Variants in SLC12A2 observed in about 807,000 individuals in gnomAD.
SLC12A2 encodes solute carrier family 12 member 2.
Under a neutral mutation model 136.3 loss-of-function variants are expected in SLC12A2, and 67 were observed. That is an observed-to-expected ratio of 0.49 (90% CI 0.40 to 0.60). SLC12A2 has a LOEUF of 0.60. SLC12A2 is among the 20% of genes least tolerant of loss of function. The pLI, the probability that SLC12A2 is intolerant of heterozygous loss-of-function variation, is 0.00. For missense variants in SLC12A2, 1,322 were observed against 1,534.7 expected, an observed-to-expected ratio of 0.86 and a Z score of 2.32; for synonymous variants, 619 against 562.9, an observed-to-expected ratio of 1.10 and a Z score of -1.41.
intron 24 of SLC12A2, 44 bp downstream of exon 24, chr5:128,182,985 C>A (rs1470275993): frequency 1.7e-6 from 2 of 1,160,476 alleles, no homozygotes; most frequent in South Asian, 1.4e-5. Context: ...AGATGGCCTA[C>A]TCAGACACAG....
At chr5:128,127,727 A>G (rs1761870233) in intron 4 of SLC12A2, among the ~76,000 whole-genome samples, 1 of 152,038 alleles carries the variant, frequency 6.6e-6, no homozygotes. Flanking sequence ...CAAGTCATTT[A>G]ATATATTACC....
intron 2 of SLC12A2, 25 bp downstream of exon 2, chr5:128,112,958 A>G (rs764841358): frequency 1.3e-6 from 2 of 1,550,576 alleles, no homozygotes; most frequent in Non-Finnish European, 1.7e-6. Context: ...ACTTAATTTT[A>G]TAGTTACAGC....
Position 128,186,891 on chromosome 5 carries a change from C to T in SLC12A2, c.*260C>T. ...TTGTGAGAGTAGTTTTCCTTTGCTA[C>T]TTGAATAGCAATAAAAGCGTGTTAA... On this transcript the variant is annotated 3_prime_UTR_variant, in exon 27 of 27. Coordinates refer to ENST00000262461, the MANE Select transcript of SLC12A2 (RefSeq NM_001046.3). 1 of 320,678 alleles carries T rather than the reference C, an allele frequency of 3.1e-6. No individual in the cohort carries two copies. The highest frequency in any genetic ancestry group is 5.7e-6 in the Non-Finnish European group (1 of 174,348). The allele number at this position is 320,678 out of a possible 1,614,324, so 19.9% of individuals were successfully genotyped here. A position where few individuals can be genotyped will look rare whatever the true frequency, so the allele number is the denominator to read the frequency against.
At chr5:128,183,092 A>T (rs1298847443) in intron 24 of SLC12A2, 151 bp downstream of exon 24, 1 of 548,558 alleles carries the variant, frequency 1.8e-6, no homozygotes, top group Middle Eastern at 3.7e-4. Context: ...TGGCATGCAT[A>T]TATCAGATAT....
intron 15 of SLC12A2, 148 bp downstream of exon 15, chr5:128,152,953 A>G: frequency 1.7e-6 from 1 of 591,616 alleles, no homozygotes; most frequent in Non-Finnish European, 3.1e-6. Flanking sequence ...ACAAAGAAAA[A>G]TTAATATCTA....
Position 128,141,894 on chromosome 5 carries a change from C to T in SLC12A2, c.1686C>T (p.Asn562=), listed in dbSNP as rs551642666. 4 of 1,614,002 alleles carry T rather than the reference C, an allele frequency of 2.5e-6. No homozygotes were observed. The highest frequency in any genetic ancestry group is 3.4e-6 in the Non-Finnish European group (4 of 1,179,908). ...VNDTIVTELT[N]CTSAACKLNF... Reference sequence around the variant, plus strand: ...ACACTATCGTAACAGAGCTAACAAACTGTACTTCTGCAGCCTGCAAATTAA... The same window carrying T: ...ACACTATCGTAACAGAGCTAACAAATTGTACTTCTGCAGCCTGCAAATTAA... Residue 562 remains asparagine (N), a synonymous_variant, in exon 10 of 27, where the codon AAC becomes AAT. Coordinates refer to ENST00000262461, the MANE Select transcript of SLC12A2 (RefSeq NM_001046.3).
At chr5:128,110,109 G>C (rs1257651940) in intron 1 of SLC12A2, 5 of 939,046 alleles carry the variant, frequency 5.3e-6, no homozygotes, top group Non-Finnish European at 8.9e-6. Context: ...TGAACATGTA[G>C]GTTTTAGAAT....
At chr5:128,138,953 T>A (rs764758980) in intron 9 of SLC12A2, 45 bp downstream of exon 9, 48 of 1,255,734 alleles carry the variant, frequency 3.8e-5, no homozygotes, top group Non-Finnish European at 5.4e-5. Context: ...AATTTCATGA[T>A]GTACGTACTA....
chr5:128,174,265 ATCC>A (rs1763473103), intron 19 of SLC12A2, among the ~76,000 whole-genome samples: 1 of 152,038 alleles, frequency 6.6e-6, no homozygotes. Context: ...AGCATCTCTG[ATCC>A]AGAAATCCCA....
chr5:128,158,103 T>A lies in SLC12A2; in HGVS notation c.2414T>A (p.Leu805His). ...GCTCCAAACTCACGTCCAGCTTTAC[T>A]TCATCTTGTTCATGATTTCACAAAA... ...TGAPNSRPAL[L>H]HLVHDFTKNV... Residue 805 changes from leucine (L) to histidine (H), a missense_variant, in exon 16 of 27, where the codon CTT becomes CAT. Physicochemically the swap from Leu to His is moderately conservative, Grantham distance 99. Coordinates refer to ENST00000262461, the MANE Select transcript of SLC12A2 (RefSeq NM_001046.3). The A allele has an allele frequency of 6.2e-7, 1 of 1,613,752 alleles. No homozygotes were observed. The highest frequency in any genetic ancestry group is 8.5e-7 in the Non-Finnish European group (1 of 1,179,780).
chr5:128,160,408 T>C (rs1763001393), intron 16 of SLC12A2, among the ~76,000 whole-genome samples: 1 of 151,854 alleles, frequency 6.6e-6, no homozygotes, highest in Non-Finnish European at 1.5e-5. Context: ...TTTTATAAAG[T>C]CCCAAGAACA....
chr5:128,126,941 C>CATATATATAT (rs1243756791), intron 4 of SLC12A2, among the ~76,000 whole-genome samples: 3 of 41,004 alleles, frequency 7.3e-5, no homozygotes, highest in African/African-American at 2.1e-4. Flanking sequence ...TCACAACCTA[C>CATATATATAT]ATATATATAT....
chr5:128,151,599 C>A (rs957906433), intron 14 of SLC12A2, among the ~76,000 whole-genome samples: 2 of 150,318 alleles, frequency 1.3e-5, no homozygotes, highest in Non-Finnish European at 3.0e-5. Context: ...AAAACAGTTA[C>A]TTTGAGATTT....
chr5:128,147,792 G>A lies in SLC12A2; in HGVS notation c.1881+63G>A, dbSNP rs1158369865. On this transcript the variant is annotated intron_variant, in intron 11 of 26. Coordinates refer to ENST00000262461, the MANE Select transcript of SLC12A2 (RefSeq NM_001046.3). ...AGTTAAAGTAATACTTCTCAATTTA[G>A]AATTGTTGCTATTTTCAAATTATTT... is the stretch of plus-strand genomic sequence containing the variant. The A allele has an allele frequency of 6.1e-6, 6 of 975,880 alleles. No individual in the cohort carries two copies. The East Asian group carries it at 9.8e-5, about 16-fold the overall frequency. 60.5% of individuals were successfully genotyped at this position (975,880 alleles called of 1,614,324 possible).
intron 1 of SLC12A2, among the ~76,000 whole-genome samples, chr5:128,106,056 T>C (rs1278649045): frequency 1.3e-5 from 2 of 152,194 alleles, no homozygotes; most frequent in African/African-American, 4.8e-5. Context: ...TCCCCCTTTT[T>C]TTCTCTGTCC....
At chr5:128,090,527 G>T (rs763518936) in intron 1 of SLC12A2, among the ~76,000 whole-genome samples, 12 of 152,148 alleles carry the variant, frequency 7.9e-5, no homozygotes, top group Middle Eastern at 3.2e-3. Flanking sequence ...CAACAACACT[G>T]TTCTAAATGC....
At chr5:128,185,621 A>G (rs1763842981) in intron 26 of SLC12A2, among the ~76,000 whole-genome samples, 4 of 152,228 alleles carry the variant, frequency 2.6e-5, no homozygotes, top group African/African-American at 7.2e-5. Context: ...CTATACAGCA[A>G]TTGGTCACTG....
At chr5:128,162,897 C>G (rs1462369048) in intron 17 of SLC12A2, among the ~76,000 whole-genome samples, 1 of 152,124 alleles carries the variant, frequency 6.6e-6, no homozygotes. Context: ...TGAATGCGGC[C>G]TAACACAAAT....
At position 128,145,669 on chromosome 5, in the gene SLC12A2, G is replaced by A. The variant is rs548885334; in HGVS notation, c.1774-1953G>A. On this transcript the variant is annotated intron_variant, in intron 10 of 26. Coordinates refer to ENST00000262461, the MANE Select transcript of SLC12A2 (RefSeq NM_001046.3). The stretch of plus-strand genomic sequence containing the variant: ...CTTCATATTTAACCTTAAATCTAAT[G>A]GAAGATCTAGGGAAAGATGTTTAGT... 8.7e-4 allele frequency among the ~76,000 whole-genome samples: 132 copies of A among 152,080 alleles called. 1 individual carries two copies. The highest frequency in any genetic ancestry group is 3.1e-3 in the African/African-American group (130 of 41,520).
Sources: gnomAD v4.1 joint callset for allele counts (sites outside exome capture counted in the v4.1 genomes callset) on GRCh38, gnomAD v4.1.1 for gene constraint, MANE v1.5 for transcripts, NCBI Gene and HGNC (gene_info 2026-07-23, HGNC 2026-07-21) for gene names.